Variants in EDEM1 observed in about 807,000 individuals in gnomAD.
EDEM1 encodes the protein ER degradation-enhancing alpha-mannosidase-like protein 1.
In EDEM1, 67 loss-of-function variants were observed where a neutral mutation model predicts 74.4. The observed-to-expected ratio is 0.90, with a 90% CI of 0.74 to 1.10. The LOEUF is 1.10. EDEM1 is among the 50% of genes least tolerant of loss of function. The pLI, the probability that EDEM1 is intolerant of heterozygous loss-of-function variation, is 0.00. For missense variants in EDEM1, 926 were observed against 851.6 expected (o/e 1.09, Z -1.09); for synonymous variants, 382 against 335.9 (o/e 1.14, Z -1.50).
Position 5,187,715 on chromosome 3 carries a change from A to T in EDEM1, c.-91A>T. On this transcript the variant is annotated 5_prime_UTR_variant, in exon 1 of 12. In the 5' UTR this introduces an upstream ATG that the reference lacks. Transcript: ENST00000256497. Reference sequence around the variant, plus strand: ...TCACGGGGGAGTTCCTTAAAGGGGAAGCGAGCCGGGCTACGGGGCGAGCGC... The same window carrying T: ...TCACGGGGGAGTTCCTTAAAGGGGATGCGAGCCGGGCTACGGGGCGAGCGC... 1 of 1,389,866 alleles carries T rather than the reference A, an allele frequency of 7.2e-7. No individual in the cohort carries two copies. The highest frequency in any genetic ancestry group is 1.6e-5 in the South Asian group (1 of 64,502). 86.1% of individuals were successfully genotyped at this position (1,389,866 alleles called of 1,614,324 possible).
At position 5,219,864 on chromosome 3, in the gene EDEM1, A is replaced by G. The variant is rs977917918; in HGVS notation, c.*3946A>G. On this transcript the variant is annotated 3_prime_UTR_variant, in exon 12 of 12. Coordinates refer to ENST00000256497, the MANE Select transcript of EDEM1 (RefSeq NM_014674.3). ...AAGGGATCTTTTTGTAAAAGGACCA[A>G]ATGTTCTTTTATAAATGTAATAAGG... is the stretch of plus-strand genomic sequence containing the variant. 1 of 152,678 alleles carries G rather than the reference A, an allele frequency of 6.5e-6. No individual in the cohort carries two copies. The highest frequency in any genetic ancestry group is 1.5e-5 in the Non-Finnish European group (1 of 68,048). The allele number at this position is 152,678 out of a possible 1,614,324, so 9.5% of individuals were successfully genotyped here.
intron 6 of EDEM1, 73 bp from the exon 7 acceptor site, chr3:5,207,080 G>A (rs1484094708): frequency 1.3e-6 from 2 of 1,571,070 alleles, no homozygotes; most frequent in Non-Finnish European, 8.6e-7. Context: ...GAAACTACCA[G>A]CAGCTGCTGG....
chr3:5,188,400 G>C, intron 1 of EDEM1, 86 bp downstream of exon 1: 1 of 1,296,226 alleles, frequency 7.7e-7, no homozygotes, highest in Non-Finnish European at 9.8e-7. Context: ...GTCCTCCGGG[G>C]CCCCCGAGGG....
At chr3:5,210,630 A>G (rs1172878837) in intron 9 of EDEM1, among the ~76,000 whole-genome samples, 1 of 152,078 alleles carries the variant, frequency 6.6e-6, no homozygotes, top group Non-Finnish European at 1.5e-5. Flanking sequence ...AAATATTTTT[A>G]TATATGATGT....
At chr3:5,200,381 T>TA (rs1194337143) in intron 3 of EDEM1, among the ~76,000 whole-genome samples, 4 of 152,360 alleles carry the variant, frequency 2.6e-5, no homozygotes, top group Middle Eastern at 3.4e-3. Context: ...TTTCCCATCT[T>TA]ACCACCCACA....
Position 5,195,294 on chromosome 3 carries a change from C to CT in EDEM1, c.582+20dup. ...GGATACACTTGCAGTAAGTGTTCAC[C>CT]TTTTTTTAAAAAAATGAATTAAGAT... On this transcript the variant is annotated intron_variant, in intron 2 of 11. Transcript: ENST00000256497. 1.3e-5 allele frequency: 19 copies of CT among 1,509,774 alleles called. No homozygotes were observed. Among genetic ancestry groups the CT allele is most frequent in the South Asian group, 2.6e-5 (2 of 78,366 alleles). 93.5% of individuals were successfully genotyped at this position (1,509,774 alleles called of 1,614,324 possible). A position where few individuals can be genotyped will look rare whatever the true frequency, so the allele number is the denominator to read the frequency against.
At chr3:5,198,684 T>G (rs979928775) in intron 2 of EDEM1, among the ~76,000 whole-genome samples, 12 of 81,328 alleles carry the variant, frequency 1.5e-4, no homozygotes, top group African/African-American at 4.4e-4. Context: ...TTTTTTTTTT[T>G]GAATCTTTGT....
At chr3:5,190,609 C>G (rs758784940) in intron 1 of EDEM1, among the ~76,000 whole-genome samples, 7 of 152,004 alleles carry the variant, frequency 4.6e-5, no homozygotes, top group Non-Finnish European at 1.0e-4. Flanking sequence ...TTTGGTTATG[C>G]GTAAGTTAAG....
intron 2 of EDEM1, among the ~76,000 whole-genome samples, chr3:5,196,163 A>C (rs552734057): frequency 1.8e-4 from 28 of 152,222 alleles, no homozygotes; most frequent in African/African-American, 6.7e-4. Flanking sequence ...GTCTGTTAGG[A>C]GATAGAATTG....
intron 1 of EDEM1, 195 bp from the exon 2 acceptor site, chr3:5,195,014 A>C (rs2054946823): frequency 5.2e-6 from 2 of 387,760 alleles, no homozygotes; most frequent in East Asian, 7.9e-5. Context: ...CAGTTCTGTG[A>C]CTTGATTCTA....
chr3:5,217,716 C>T lies in EDEM1; in HGVS notation c.*1798C>T, dbSNP rs921810064. The stretch of plus-strand genomic sequence containing the variant: ...CATTATTCTGTTTATTAACAGTGTC[C>T]CATCTACTGAATAGAAAACTTTGAG... On this transcript the variant is annotated 3_prime_UTR_variant, in exon 12 of 12. Coordinates refer to ENST00000256497, the MANE Select transcript of EDEM1 (RefSeq NM_014674.3). 6.6e-6 allele frequency: 1 copy of T among 151,924 alleles called. No homozygotes were observed. The highest frequency in any genetic ancestry group is 2.1e-4 in the South Asian group (1 of 4,802). 9.4% of individuals were successfully genotyped at this position (151,924 alleles called of 1,614,324 possible). A position where few individuals can be genotyped will look rare whatever the true frequency, so the allele number is the denominator to read the frequency against.
Position 5,206,210 on chromosome 3 carries a change from C to CTTT in EDEM1, c.1218-930_1218-928dup, listed in dbSNP as rs762318338. ...GTGTCACTCTCTTTCCCAGATCTTT[C>CTTT]TTTTTTTTTTTTTTTGAGTCAGAGT... On this transcript the variant is annotated intron_variant, in intron 6 of 11. Coordinates refer to ENST00000256497, the MANE Select transcript of EDEM1 (RefSeq NM_014674.3). Among the ~76,000 whole-genome samples the CTTT allele has an allele frequency of 1.7e-3, 233 of 140,086 alleles. 2 individuals carry two copies. Among genetic ancestry groups the CTTT allele is most frequent in the African/African-American group, 5.9e-3 (225 of 38,200 alleles). The allele number at this position is 140,086 out of a possible 152,430, so 91.9% of individuals were successfully genotyped here. A position where few individuals can be genotyped will look rare whatever the true frequency, so the allele number is the denominator to read the frequency against.
Position 5,188,163 on chromosome 3 carries a change from G to T in EDEM1, c.358G>T (p.Gly120Cys), listed in dbSNP as rs758507201. The stretch of plus-strand genomic sequence containing the variant: ...GGACGAGTACGAGAAGCGCTACAGC[G>T]GCGCCTTCCCTCCGCAGCTGCGTGC... Reference protein sequence around the residue: ...GPDEYEKRYSGAFPPQLRAQM... With the variant: ...GPDEYEKRYSCAFPPQLRAQM... The change falls in exon 1 of 12, where the codon GGC (glycine) becomes TGC (cysteine). Residue 120 changes from glycine to cysteine, a missense_variant. Transcript: ENST00000256497. 31 of 1,548,788 alleles carry T rather than the reference G, an allele frequency of 2.0e-5. No homozygotes were observed. The East Asian group carries it at 7.0e-4, about 35-fold the overall frequency.
chr3:5,199,820 G>A (rs935514223), intron 3 of EDEM1, 125 bp downstream of exon 3: 11 of 627,834 alleles, frequency 1.8e-5, no homozygotes, highest in African/African-American at 1.7e-4. Context: ...CTTTATGGGT[G>A]CAGTGTGCAT....
In EDEM1 at chr3:5,216,007, G is replaced by C. The variant is rs1004155723; in HGVS notation, c.*89G>C. 2 of 1,114,684 alleles carry C rather than the reference G, an allele frequency of 1.8e-6. No individual in the cohort carries two copies. The highest frequency in any genetic ancestry group is 2.7e-6 in the Non-Finnish European group (2 of 754,464). 69.0% of individuals were successfully genotyped at this position (1,114,684 alleles called of 1,614,324 possible). On this transcript the variant is annotated 3_prime_UTR_variant, in exon 12 of 12. Transcript: ENST00000256497. Reference sequence around the variant, plus strand: ...GTCCAGTCTGAAATGAAAGGGGACAGAAGTCTTGCTGTCCATGGTGGTGTA... The same window carrying C: ...GTCCAGTCTGAAATGAAAGGGGACACAAGTCTTGCTGTCCATGGTGGTGTA...
chr3:5,200,253 T>C (rs2055018863), intron 3 of EDEM1, among the ~76,000 whole-genome samples: 1 of 152,100 alleles, frequency 6.6e-6, no homozygotes, highest in Non-Finnish European at 1.5e-5. Context: ...TTAACGGGGG[T>C]GTAAAATAGG....
At position 5,207,009 on chromosome 3, in the gene EDEM1, C is replaced by T; in HGVS notation, c.1218-144C>T. On this transcript the variant is annotated intron_variant, in intron 6 of 11. Coordinates refer to ENST00000256497, the MANE Select transcript of EDEM1 (RefSeq NM_014674.3). ...TCTAATGTAGATAATTAAAGGCAGT[C>T]TGTCTGCAGAGGTTTAAGGAATGAG... 4 of 1,068,516 alleles carry T rather than the reference C, an allele frequency of 3.7e-6. 1 individual carries two copies. In the East Asian group the frequency reaches 7.4e-5, roughly 20 times the overall value. 66.2% of individuals were successfully genotyped at this position (1,068,516 alleles called of 1,614,324 possible). A position where few individuals can be genotyped will look rare whatever the true frequency, so the allele number is the denominator to read the frequency against.
chr3:5,206,352 C>T (rs772537541), intron 6 of EDEM1, among the ~76,000 whole-genome samples: 2 of 152,028 alleles, frequency 1.3e-5, no homozygotes, highest in African/African-American at 4.8e-5. Context: ...GGATCACAGC[C>T]GTGCACCACC....
In EDEM1 at chr3:5,187,737, G is replaced by A. The variant is rs1206108961; in HGVS notation, c.-69G>A. 1 of 1,434,328 alleles carries A rather than the reference G, an allele frequency of 7.0e-7. No homozygotes were observed. Among genetic ancestry groups the A allele is most frequent in the Admixed American group, 2.6e-5 (1 of 37,802 alleles). The allele number at this position is 1,434,328 out of a possible 1,614,324, so 88.9% of individuals were successfully genotyped here. A position where few individuals can be genotyped will look rare whatever the true frequency, so the allele number is the denominator to read the frequency against. On this transcript the variant is annotated 5_prime_UTR_variant, in exon 1 of 12. Transcript: ENST00000256497. ...GGAAGCGAGCCGGGCTACGGGGCGA[G>A]CGCGGGGTGCGGTGGTCGGCGGGGA... is the stretch of plus-strand genomic sequence containing the variant.
Sources: allele counts gnomAD v4.1 joint callset (sites outside exome capture counted in the v4.1 genomes callset), GRCh38; gene constraint gnomAD v4.1.1; transcripts MANE v1.5; gene names NCBI Gene and HGNC (gene_info 2026-07-23, HGNC 2026-07-21).